The following LAMA1 variants were observed in gnomAD, a reference collection of about 807,000 sequenced individuals.
LAMA1 encodes the protein laminin subunit alpha-1.
In LAMA1, 219 loss-of-function variants were observed where a neutral mutation model predicts 348.7. That is an observed-to-expected ratio of 0.63 (90% CI 0.56 to 0.70). The LOEUF (loss-of-function observed/expected upper bound fraction) is 0.70. LAMA1 is among the 30% of genes least tolerant of loss of function. The probability of loss-of-function intolerance (pLI) is 0.00; values close to 1 mark genes in which losing one functional copy is unlikely to be tolerated. For synonymous variants in LAMA1, 1,487 were observed against 1,491.0 expected, an observed-to-expected ratio of 1.00 and a Z score of 0.06; for missense variants, 3,744 against 3,888.0, an observed-to-expected ratio of 0.96 and a Z score of 0.99.
intron 1 of LAMA1, among the ~76,000 whole-genome samples, chr18:7,080,737 G>A (rs116882099): frequency 0.019 from 2,855 of 152,232 alleles, 42 homozygotes; most frequent in Non-Finnish European, 0.03. Context: ...TTCATATCTC[G>A]ATAAAGCTTT....
chr18:6,958,811 G>A (rs2057593246), intron 54 of LAMA1, 149 bp from the exon 55 acceptor site: 1 of 665,196 alleles, frequency 1.5e-6, no homozygotes, highest in Non-Finnish European at 2.5e-6. Context: ...TGACCAAAAA[G>A]GTGAATCTTG....
intron 1 of LAMA1, among the ~76,000 whole-genome samples, chr18:7,114,195 A>T (rs1170693444): frequency 6.6e-6 from 1 of 152,198 alleles, no homozygotes; most frequent in Non-Finnish European, 1.5e-5. Context: ...GTCCAGGATG[A>T]TGAGCAAGTA....
intron 1 of LAMA1, among the ~76,000 whole-genome samples, chr18:7,098,030 T>G (rs1317096490): frequency 6.6e-6 from 1 of 150,562 alleles, no homozygotes; most frequent in African/African-American, 2.4e-5. Flanking sequence ...TGACTGGTTT[T>G]GGTGGAGACG....
At chr18:7,093,647 A>C (rs1240145774) in intron 1 of LAMA1, among the ~76,000 whole-genome samples, 10 of 152,182 alleles carry the variant, frequency 6.6e-5, no homozygotes, top group Admixed American at 6.5e-4. Flanking sequence ...AACATGATCT[A>C]AGGTTGATTA....
chr18:7,016,623 A>G lies in LAMA1; in HGVS notation c.2857T>C (p.Cys953Arg). The G allele has an allele frequency of 1.2e-6, 2 of 1,614,112 alleles. No homozygotes were observed. The highest frequency in any genetic ancestry group is 1.3e-5 in the African/African-American group (1 of 75,056). ...TCTGACACGGAGCCTGCCACGCTGC[A>G]GTTGCAGGGCCGGCAGCCATGGCCT... Reference protein sequence around the residue: ...DSGHGCRPCNCSVAGSVSDGC... With the variant: ...DSGHGCRPCNRSVAGSVSDGC... The change falls in exon 21 of 63, where the codon TGC becomes CGC. Residue 953 changes from cysteine to arginine, a missense_variant. Coordinates refer to ENST00000389658, the MANE Select transcript of LAMA1 (RefSeq NM_005559.4).
intron 3 of LAMA1, among the ~76,000 whole-genome samples, chr18:7,075,704 G>A (rs571340028): frequency 2.0e-5 from 3 of 152,184 alleles, no homozygotes; most frequent in Admixed American, 1.3e-4. Context: ...TTGGGAGGCC[G>A]AGGCAGGCAG....
chr18:7,032,922 A>G, intron 15 of LAMA1, 62 bp downstream of exon 15: 1 of 1,198,664 alleles, frequency 8.3e-7, no homozygotes, highest in Non-Finnish European at 1.2e-6. Flanking sequence ...CATCCCCTTC[A>G]GTGCACTGTT....
At chr18:7,021,436 G>A (rs1021786216) in intron 19 of LAMA1, among the ~76,000 whole-genome samples, 6 of 152,052 alleles carry the variant, frequency 3.9e-5, no homozygotes, top group African/African-American at 1.5e-4. Context: ...TTTGGTACAG[G>A]ACGGAAAAAT....
In LAMA1 at chr18:7,015,831, G is replaced by C. The variant is rs2057885274; in HGVS notation, c.3017C>G (p.Thr1006Ser). ...TPCDCPHTQNTCDPETGECVC... is the reference protein window; with the variant it reads ...TPCDCPHTQNSCDPETGECVC... ...ACACTCTCCAGTTTCTGGGTCGCAG[G>C]TATTCTGAGTGTGTGGGCAGTCACA... The change falls in exon 22 of 63, where the codon ACC becomes AGC. Residue 1006 changes from threonine (T) to serine (S), a missense_variant. By Grantham distance (58) the Thr-to-Ser change is moderately conservative. Transcript: ENST00000389658. 1 of 1,614,042 alleles carries C rather than the reference G, an allele frequency of 6.2e-7. No homozygotes were observed. Among genetic ancestry groups the C allele is most frequent in the Admixed American group, 1.7e-5 (1 of 59,992 alleles).
intron 6 of LAMA1, among the ~76,000 whole-genome samples, chr18:7,045,566 A>AT (rs1402525520): frequency 6.6e-6 from 1 of 151,912 alleles, no homozygotes; most frequent in South Asian, 2.1e-4. Context: ...TTTTTTTTAA[A>AT]TTTTTTTATT....
At chr18:7,056,078 C>CAA (rs745622734) in intron 3 of LAMA1, among the ~76,000 whole-genome samples, 21 of 116,746 alleles carry the variant, frequency 1.8e-4, no homozygotes, top group African/African-American at 4.4e-4. Flanking sequence ...AGACTGTCTC[C>CAA]AAAAAAAAAA....
intron 48 of LAMA1, among the ~76,000 whole-genome samples, chr18:6,970,928 A>G (rs1417010362): frequency 6.6e-6 from 1 of 152,172 alleles, no homozygotes; most frequent in Non-Finnish European, 1.5e-5. Context: ...TAACTTTTTA[A>G]ACAAGCGAAG....
intron 48 of LAMA1, among the ~76,000 whole-genome samples, chr18:6,971,126 G>A (rs919764675): frequency 6.6e-6 from 1 of 152,076 alleles, no homozygotes; most frequent in Non-Finnish European, 1.5e-5. Context: ...TTCTCTAACG[G>A]AAAAAAGCAA....
At chr18:7,089,752 G>A (rs948338645) in intron 1 of LAMA1, among the ~76,000 whole-genome samples, 10 of 152,202 alleles carry the variant, frequency 6.6e-5, no homozygotes, top group Admixed American at 5.9e-4. Flanking sequence ...TCAGGGACAT[G>A]TTCTCCGTGA....
At chr18:6,972,343 C>G (rs151214064) in intron 47 of LAMA1, 44 of 326,518 alleles carry the variant, frequency 1.3e-4, no homozygotes, top group Middle Eastern at 1.1e-3. Context: ...ATCCAAAAAA[C>G]ACAATTATAT....
chr18:7,078,155 T>C (rs573045389), intron 3 of LAMA1, among the ~76,000 whole-genome samples: 309 of 137,700 alleles, frequency 2.2e-3, no homozygotes, highest in Non-Finnish European at 3.7e-3. Context: ...TTTTGTTTTT[T>C]ATTTTATTTT....
intron 1 of LAMA1, among the ~76,000 whole-genome samples, chr18:7,105,721 T>A (rs2058309406): frequency 6.6e-6 from 1 of 152,174 alleles, no homozygotes; most frequent in Non-Finnish European, 1.5e-5. Context: ...TTTGGATGAA[T>A]TCGTTAAAGA....
rs781431299 is a variant in LAMA1, at chr18:6,999,525, C to T, written c.4583G>A (p.Cys1528Tyr). 2 of 1,614,186 alleles carry T rather than the reference C, an allele frequency of 1.2e-6. No homozygotes were observed. Among genetic ancestry groups the T allele is most frequent in the Non-Finnish European group, 1.7e-6 (2 of 1,180,036 alleles). ...CCCCGAGGCCCCCAGCCTGCAAACG[C>T]ACTGCCCAGATGTGCGGTCACAGTC... Reference protein sequence around the residue: ...HGDCDRTSGQCVCRLGASGLR... With the variant: ...HGDCDRTSGQYVCRLGASGLR... The change falls in exon 32 of 63, where the codon TGC becomes TAC. Residue 1528 changes from cysteine to tyrosine, a missense_variant. Physicochemically the swap from Cys to Tyr is radical, Grantham distance 194. Transcript: ENST00000389658.
intron 32 of LAMA1, among the ~76,000 whole-genome samples, chr18:6,998,304 G>T (rs2057792134): frequency 6.6e-6 from 1 of 152,222 alleles, no homozygotes; most frequent in African/African-American, 2.4e-5. Context: ...TGACTGTAAT[G>T]AAAGGCGAGG....
Sources: gnomAD v4.1 joint callset for allele counts (sites outside exome capture counted in the v4.1 genomes callset) on GRCh38, gnomAD v4.1.1 for gene constraint, MANE v1.5 for transcripts, NCBI Gene and HGNC (gene_info 2026-07-23, HGNC 2026-07-21) for gene names.